The following ZNF587B variants were observed in gnomAD, a reference collection of about 807,000 sequenced individuals.
The protein encoded by ZNF587B is zinc finger protein 587B.
A neutral mutation model predicts 7.2 loss-of-function variants in ZNF587B; 6 were observed. The observed-to-expected ratio is 0.83, with a 90% CI of 0.46 to 1.65. The LOEUF is 1.65. Ranked by LOEUF, ZNF587B falls within the 40% of genes most tolerant of loss-of-function variation. The probability of loss-of-function intolerance (pLI) is 0.01; values close to 1 mark genes in which losing one functional copy is unlikely to be tolerated. For synonymous variants in ZNF587B, 274 were observed against 254.3 expected (o/e 1.08, Z -0.74); for missense variants, 749 against 761.0 (o/e 0.98, Z 0.19).
In ZNF587B at chr19:57,843,566, G is replaced by A. The variant is rs1204838771; in HGVS notation, c.*990G>A. The A allele has an allele frequency of 1.1e-6, 1 of 872,068 alleles. No individual in the cohort carries two copies. The highest frequency in any genetic ancestry group is 3.6e-5 in the African/African-American group (1 of 27,692). 54.0% of individuals were successfully genotyped at this position (872,068 alleles called of 1,614,324 possible). On this transcript the variant is annotated 3_prime_UTR_variant, in exon 3 of 3. Transcript: ENST00000594901. ...GATTTTTTTTTTAAGTTTTTTGTTTGGTTGGTTGGTTGGTTGGTTGGTTGT... is the reference window on the plus strand; with the variant it reads ...GATTTTTTTTTTAAGTTTTTTGTTTAGTTGGTTGGTTGGTTGGTTGGTTGT...
chr19:57,844,362 G>C lies in ZNF587B; in HGVS notation c.*1786G>C, dbSNP rs987726463. 1.1e-5 allele frequency: 3 copies of C among 282,862 alleles called. No individual in the cohort carries two copies. Among genetic ancestry groups the C allele is most frequent in the Non-Finnish European group, 2.1e-5 (3 of 140,792 alleles). The allele number at this position is 282,862 out of a possible 1,614,324, so 17.5% of individuals were successfully genotyped here. A position where few individuals can be genotyped will look rare whatever the true frequency, so the allele number is the denominator to read the frequency against. ...TTCTAAAAATATAAAAATTAGCCGG[G>C]CATGGTGGCGCACCTGTAGCCGCAG... On this transcript the variant is annotated 3_prime_UTR_variant, in exon 3 of 3. Coordinates refer to ENST00000594901, the MANE Select transcript of ZNF587B (RefSeq NM_001376223.1).
rs1220745563 is a variant in ZNF587B, at chr19:57,843,052, G to A, written c.*476G>A. 1.3e-5 allele frequency: 12 copies of A among 898,128 alleles called. No homozygotes were observed. The highest frequency in any genetic ancestry group is 1.5e-5 in the Non-Finnish European group (11 of 750,392). The allele number at this position is 898,128 out of a possible 1,614,324, so 55.6% of individuals were successfully genotyped here. A position where few individuals can be genotyped will look rare whatever the true frequency, so the allele number is the denominator to read the frequency against. On this transcript the variant is annotated 3_prime_UTR_variant, in exon 3 of 3. Transcript: ENST00000594901. ...ACTCCATCACCCATGCTGGTGTGCA[G>A]TGCTGCGATCGTAGCTCACTGCATC...
At position 57,841,408 on chromosome 19, in the gene ZNF587B, G is replaced by C; in HGVS notation, c.734G>C (p.Cys245Ser). 1 of 1,585,144 alleles carries C rather than the reference G, an allele frequency of 6.3e-7. No individual in the cohort carries two copies. Among genetic ancestry groups the C allele is most frequent in the South Asian group, 1.1e-5 (1 of 88,116 alleles). Residue 245 changes from cysteine to serine, a missense_variant, in exon 3 of 3, where the codon TGT (cysteine) becomes TCT (serine). Around this residue, in one of 3 missense-constraint regions of ZNF587B, gnomAD observed 656 missense variants for 596.5 expected, o/e 1.10. Coordinates refer to ENST00000594901, the MANE Select transcript of ZNF587B (RefSeq NM_001376223.1). ...LLPREECYVC[C>S]ECGKSFSKYV... is the part of the protein sequence containing the mutation. Reference sequence around the variant, plus strand: ...CCTCGAGAAGAATGTTATGTGTGCTGTGAATGTGGGAAATCCTTTAGCAAA... The same window carrying C: ...CCTCGAGAAGAATGTTATGTGTGCTCTGAATGTGGGAAATCCTTTAGCAAA...
chr19:57,841,655 G>A lies in ZNF587B; in HGVS notation c.981G>A (p.Glu327=), dbSNP rs562788828. 2 of 1,603,006 alleles carry A rather than the reference G, an allele frequency of 1.2e-6. No homozygotes were observed. The highest frequency in any genetic ancestry group is 8.5e-7 in the Non-Finnish European group (1 of 1,174,738). ...TTCACGCTGGAAAAGGGCCTTATGA[G>A]TGTGGAGAATGTGGGAAATCTTTTA... The part of the protein sequence containing the change: ...QKVHAGKGPY[E]CGECGKSFSS... The change falls in exon 3 of 3, where the codon GAG becomes GAA. Residue 327 remains glutamate, a synonymous_variant. Coordinates refer to ENST00000594901, the MANE Select transcript of ZNF587B (RefSeq NM_001376223.1).
chr19:57,841,946 C>A lies in ZNF587B; in HGVS notation c.1272C>A (p.His424Gln), dbSNP rs759057913. 2.5e-6 allele frequency: 4 copies of A among 1,612,732 alleles called. No individual in the cohort carries two copies. In the African/African-American group the frequency reaches 4.0e-5, roughly 16 times the overall value. ...DCGKSFNEKG[H>Q]LRSHQRVHTT... is the part of the protein sequence containing the mutation. Reference sequence around the variant, plus strand: ...GGAAATCTTTTAATGAAAAAGGACACCTTAGGAGTCATCAGCGAGTTCACA... The same window carrying A: ...GGAAATCTTTTAATGAAAAAGGACAACTTAGGAGTCATCAGCGAGTTCACA... Residue 424 changes from histidine to glutamine, a missense_variant, in exon 3 of 3, where the codon CAC becomes CAA. Around this residue, in one of 3 missense-constraint regions of ZNF587B, gnomAD observed 656 missense variants for 596.5 expected, o/e 1.10. Transcript: ENST00000594901.
At chr19:57,832,118 G>A (rs1170562442) in intron 1 of ZNF587B, among the ~76,000 whole-genome samples, 16 of 150,454 alleles carry the variant, frequency 1.1e-4, no homozygotes, top group East Asian at 2.0e-4. Context: ...ACAGAGTCTC[G>A]CTCTATCGCC....
Position 57,842,327 on chromosome 19 carries a change from G to A in ZNF587B, c.1653G>A (p.Glu551=), listed in dbSNP as rs183116455. 2.5e-6 allele frequency: 4 copies of A among 1,608,586 alleles called. No individual in the cohort carries two copies. The Admixed American group carries it at 6.8e-5, about 27-fold the overall frequency. ...KRVHTGQKPY[E]CSECGKSFAA... is the part of the protein sequence containing the mutation. ...TTCACACTGGTCAGAAGCCTTATGAGTGCAGTGAATGTGGGAAATCTTTTG... is the reference window on the plus strand; with the variant it reads ...TTCACACTGGTCAGAAGCCTTATGAATGCAGTGAATGTGGGAAATCTTTTG... The change falls in exon 3 of 3, where the codon GAG becomes GAA. Residue 551 remains glutamate (E), a synonymous_variant. Transcript: ENST00000594901.
intron 1 of ZNF587B, among the ~76,000 whole-genome samples, chr19:57,837,699 C>G (rs1241412524): frequency 6.6e-6 from 1 of 152,092 alleles, no homozygotes; most frequent in Non-Finnish European, 1.5e-5. Context: ...CTGCCCGTCT[C>G]AGCCTCCCAA....
chr19:57,843,142 GCACCAC>G lies in ZNF587B; in HGVS notation c.*569_*574del. 1 of 550,486 alleles carries G rather than the reference GCACCAC, an allele frequency of 1.8e-6. No individual in the cohort carries two copies. The highest frequency in any genetic ancestry group is 2.3e-6 in the Non-Finnish European group (1 of 433,154). The allele number at this position is 550,486 out of a possible 1,614,324, so 34.1% of individuals were successfully genotyped here. A position where few individuals can be genotyped will look rare whatever the true frequency, so the allele number is the denominator to read the frequency against. ...TCCATGTAGCTGGGTCCACAGGCAT[GCACCAC>G]CATGCCTGGCTATTTTCTCATATTA... On this transcript the variant is annotated 3_prime_UTR_variant, in exon 3 of 3. Coordinates refer to ENST00000594901, the MANE Select transcript of ZNF587B (RefSeq NM_001376223.1).
At chr19:57,830,981 GT>G (rs1240685225) in intron 1 of ZNF587B, among the ~76,000 whole-genome samples, 1 of 151,934 alleles carries the variant, frequency 6.6e-6, no homozygotes, top group Non-Finnish European at 1.5e-5. Flanking sequence ...AGGATAAATG[GT>G]TACAGGAAAG....
At chr19:57,838,911 A>G (rs527652728) in intron 1 of ZNF587B, 112 bp from the exon 2 acceptor site, 6 of 1,403,204 alleles carry the variant, frequency 4.3e-6, no homozygotes, top group African/African-American at 1.4e-5. Flanking sequence ...AGTTTCTCCT[A>G]TGTTTGAGGA....
chr19:57,831,675 C>T lies in ZNF587B; in HGVS notation c.36+1111C>T, dbSNP rs368882981. 4.7e-3 allele frequency among the ~76,000 whole-genome samples: 692 copies of T among 148,100 alleles called. 11 individuals carry two copies. The highest frequency in any genetic ancestry group is 0.016 in the African/African-American group (634 of 40,254). ...TCCCAAAGTGCTGGGGTTACAGGCG[C>T]GAGCCACCGAGCCCAGCTTATTTTA... On this transcript the variant is annotated intron_variant, in intron 1 of 2. Coordinates refer to ENST00000594901, the MANE Select transcript of ZNF587B (RefSeq NM_001376223.1).
At position 57,842,187 on chromosome 19, in the gene ZNF587B, C is replaced by G. The variant is rs1451665767; in HGVS notation, c.1513C>G (p.His505Asp). Residue 505 changes from histidine to aspartate, a missense_variant, in exon 3 of 3, where the codon CAC becomes GAC. Coordinates refer to ENST00000594901, the MANE Select transcript of ZNF587B (RefSeq NM_001376223.1). ...ACEACQKFFRHKCHLTAHQRV... is the reference protein window; with the variant it reads ...ACEACQKFFRDKCHLTAHQRV... ...TGAGGCTTGTCAGAAATTTTTTAGG[C>G]ACAAGTGCCACCTCACTGCACACCA... The G allele has an allele frequency of 1.2e-6, 2 of 1,613,020 alleles. No individual in the cohort carries two copies. Among genetic ancestry groups the G allele is most frequent in the Non-Finnish European group, 1.7e-6 (2 of 1,179,512 alleles).
Position 57,844,393 on chromosome 19 carries a change from C to A in ZNF587B, c.*1817C>A, listed in dbSNP as rs140212888. ...TGGCGCACCTGTAGCCGCAGCTACT[C>A]AGGAGGCTGAGGCAGGAAAATTGCT... On this transcript the variant is annotated 3_prime_UTR_variant, in exon 3 of 3. Coordinates refer to ENST00000594901, the MANE Select transcript of ZNF587B (RefSeq NM_001376223.1). 3.6e-6 allele frequency: 1 copy of A among 278,552 alleles called. No homozygotes were observed. The highest frequency in any genetic ancestry group is 2.4e-5 in the African/African-American group (1 of 42,496). The allele number at this position is 278,552 out of a possible 1,614,324, so 17.3% of individuals were successfully genotyped here. A position where few individuals can be genotyped will look rare whatever the true frequency, so the allele number is the denominator to read the frequency against.
Position 57,830,691 on chromosome 19 carries a change from ACTGT to A in ZNF587B, c.36+129_36+132del. ...AGATGCTGAGTTTTTATTAGGAGTG[ACTGT>A]CAGGACAGCCCTTTTGAGCTGCTGA... On this transcript the variant is annotated intron_variant, in intron 1 of 2. Coordinates refer to ENST00000594901, the MANE Select transcript of ZNF587B (RefSeq NM_001376223.1). The A allele has an allele frequency of 3.8e-6, 4 of 1,065,358 alleles. No individual in the cohort carries two copies. In the South Asian group the frequency reaches 5.7e-5, roughly 15 times the overall value. 66.0% of individuals were successfully genotyped at this position (1,065,358 alleles called of 1,614,324 possible).
In ZNF587B at chr19:57,846,096, A is replaced by G. The variant is rs1989044595; in HGVS notation, c.*3520A>G. On this transcript the variant is annotated 3_prime_UTR_variant, in exon 3 of 3. Coordinates refer to ENST00000594901, the MANE Select transcript of ZNF587B (RefSeq NM_001376223.1). ...TCACCATAATGAATTTATCTAATCT[A>G]TCACCTTTGTATTTACTTGGAGCCT... is the stretch of plus-strand genomic sequence containing the variant. 1 of 152,220 alleles carries G rather than the reference A, an allele frequency of 6.6e-6. No individual in the cohort carries two copies. The highest frequency in any genetic ancestry group is 1.9e-4 in the East Asian group (1 of 5,198). The allele number at this position is 152,220 out of a possible 1,614,324, so 9.4% of individuals were successfully genotyped here. A position where few individuals can be genotyped will look rare whatever the true frequency, so the allele number is the denominator to read the frequency against.
Position 57,841,225 on chromosome 19 carries a change from G to A in ZNF587B, c.551G>A (p.Gly184Glu). ...GGGAAGGACTTTTTGCCCAGGTCAG[G>A]ATTACTCCAGCAGGAGGCCAGTCAC... ...ESGKDFLPRS[G>E]LLQQEASHTG... Residue 184 changes from glycine to glutamate, a missense_variant, in exon 3 of 3, where the codon GGA (glycine) becomes GAA (glutamate). By Grantham distance (98) the Gly-to-Glu change is moderately conservative (BLOSUM62 -2). Transcript: ENST00000594901. 1 of 1,614,136 alleles carries A rather than the reference G, an allele frequency of 6.2e-7. No individual in the cohort carries two copies. Among genetic ancestry groups the A allele is most frequent in the Non-Finnish European group, 8.5e-7 (1 of 1,180,026 alleles).
chr19:57,837,683 C>T (rs1237638985), intron 1 of ZNF587B, among the ~76,000 whole-genome samples: 1 of 151,994 alleles, frequency 6.6e-6, no homozygotes, highest in Admixed American at 6.6e-5. Context: ...CTCCTGACCT[C>T]GTCATCTGCC....
chr19:57,841,555 G>C lies in ZNF587B; in HGVS notation c.881G>C (p.Gly294Ala). 4 of 1,579,556 alleles carry C rather than the reference G, an allele frequency of 2.5e-6. 1 individual carries two copies. The South Asian group carries it at 4.6e-5, about 18-fold the overall frequency. Reference protein sequence around the residue: ...SLIQHQQFHTGGKPYGCEECG... With the variant: ...SLIQHQQFHTAGKPYGCEECG... Reference sequence around the variant, plus strand: ...ATTCAACATCAGCAATTTCACACTGGAGGAAAACCTTATGGGTGTGAAGAA... The same window carrying C: ...ATTCAACATCAGCAATTTCACACTGCAGGAAAACCTTATGGGTGTGAAGAA... The change falls in exon 3 of 3, where the codon GGA becomes GCA. Residue 294 changes from glycine (G) to alanine (A), a missense_variant. Coordinates refer to ENST00000594901, the MANE Select transcript of ZNF587B (RefSeq NM_001376223.1).
Sources: gnomAD v4.1 joint callset for allele counts (sites outside exome capture counted in the v4.1 genomes callset) on GRCh38, gnomAD v4.1.1 for gene constraint, gnomAD v4.1.1 regional missense constraint, MANE v1.5 for transcripts, NCBI Gene and HGNC (gene_info 2026-07-23, HGNC 2026-07-21) for gene names.